Variants in SHROOM2 observed in about 807,000 individuals in gnomAD.
SHROOM2 encodes shroom family member 2.
A neutral mutation model predicts 75.9 loss-of-function variants in SHROOM2; 33 were observed. That is an observed-to-expected ratio of 0.43 (90% confidence interval 0.33 to 0.58). The LOEUF (loss-of-function observed/expected upper bound fraction) is 0.58. Among genes scored for constraint, SHROOM2 ranks in the 20% least tolerant of loss-of-function variants. The pLI, the probability that SHROOM2 is intolerant of heterozygous loss-of-function variation, is 0.04. For missense variants in SHROOM2, 1,434 were observed against 1,461.2 expected (o/e 0.98, Z 0.30); for synonymous variants, 655 against 663.6 (o/e 0.99, Z 0.20).
chrX:9,932,588 T>C lies in SHROOM2; in HGVS notation c.3305T>C (p.Leu1102Pro), dbSNP rs1213759208. 8.3e-7 allele frequency: 1 copy of C among 1,211,645 alleles called. No homozygotes were observed. Among genetic ancestry groups the C allele is most frequent in the Non-Finnish European group, 1.1e-6 (1 of 895,397 alleles). ...RPFPTPSPAS[L>P]DVYVARLSLS... is the part of the protein sequence containing the mutation. ...TTCCCAACGCCATCCCCTGCGTCCC[T>C]GGATGTGTATGTGGCCCGCCTGTCC... is the stretch of plus-strand genomic sequence containing the variant. The change falls in exon 6 of 10, where the codon CTG becomes CCG. Residue 1102 changes from leucine (L) to proline (P), a missense_variant. Around this residue, in one of 3 missense-constraint regions of SHROOM2, gnomAD observed 1,340 missense variants for 1,338.3 expected, o/e 1.00. Transcript: ENST00000380913.
At chrX:9,907,032 CT>C (rs2084395437) in intron 5 of SHROOM2, among the ~76,000 whole-genome samples, 1 of 111,005 alleles carries the variant, frequency 9.0e-6, no homozygotes, top group South Asian at 3.8e-4. Flanking sequence ...GCTGGTCCCC[CT>C]GGCGTTGGGG....
intron 5 of SHROOM2, among the ~76,000 whole-genome samples, chrX:9,928,427 C>A (rs1447007500): frequency 1.8e-5 from 2 of 112,920 alleles, no homozygotes; most frequent in South Asian, 3.6e-4. Flanking sequence ...TGCGAAGACA[C>A]AAAGTCTTAA....
intron 5 of SHROOM2, among the ~76,000 whole-genome samples, chrX:9,907,039 T>C (rs2084395561): frequency 9.0e-6 from 1 of 110,753 alleles, no homozygotes; most frequent in African/African-American, 3.3e-5. Flanking sequence ...CCCCTGGCGT[T>C]GGGGCAGGGG....
intron 1 of SHROOM2, among the ~76,000 whole-genome samples, chrX:9,787,962 T>C (rs1228350304): frequency 1.9e-5 from 2 of 105,061 alleles, no homozygotes; most frequent in African/African-American, 6.9e-5. Flanking sequence ...TTTTTTCTTT[T>C]ATTTCTTTTC....
chrX:9,857,718 AT>A (rs369019942), intron 1 of SHROOM2, among the ~76,000 whole-genome samples: 13 of 111,276 alleles, frequency 1.2e-4, no homozygotes, highest in African/African-American at 4.2e-4. Context: ...AAGCAAAAAG[AT>A]TGTGAACATT....
intron 1 of SHROOM2, among the ~76,000 whole-genome samples, chrX:9,867,325 G>A (rs2084145712): frequency 9.0e-6 from 1 of 111,377 alleles, no homozygotes; most frequent in Non-Finnish European, 1.9e-5. Flanking sequence ...GGGTCTGTGA[G>A]TGCCCATAGC....
intron 2 of SHROOM2, among the ~76,000 whole-genome samples, chrX:9,883,780 C>T (rs948006294): frequency 6.3e-5 from 7 of 111,222 alleles, no homozygotes; most frequent in Non-Finnish European, 1.3e-4. Flanking sequence ...GAAGCAGAGT[C>T]AGAGCTGGGG....
Position 9,947,799 on chromosome X carries a change from A to C in SHROOM2, c.*862A>C, listed in dbSNP as rs978620627. 6.2e-5 allele frequency: 7 copies of C among 112,265 alleles called. No homozygotes were observed. The highest frequency in any genetic ancestry group is 1.9e-4 in the Admixed American group (2 of 10,567). The allele number at this position is 112,265 out of a possible 1,213,427, so 9.3% of individuals were successfully genotyped here. A position where few individuals can be genotyped will look rare whatever the true frequency, so the allele number is the denominator to read the frequency against. ...TTCCCCCCATGTATTTTGTATGCAT[A>C]TGATTGTCCGTGATAATTGGCTACT... On this transcript the variant is annotated 3_prime_UTR_variant, in exon 10 of 10. Coordinates refer to ENST00000380913, the MANE Select transcript of SHROOM2 (RefSeq NM_001649.4).
Position 9,932,295 on chromosome X carries a change from G to A in SHROOM2, c.3012G>A (p.Leu1004=). The change falls in exon 6 of 10, where the codon CTG becomes CTA. Residue 1004 remains leucine (L), a synonymous_variant. Transcript: ENST00000380913. The part of the protein sequence containing the change: ...ELSHCRGAPE[L]PREGRGRAGT... ...CTCACTGCCGGGGAGCCCCAGAGCT[G>A]CCCCGGGAGGGCCGGGGCCGAGCGG... The A allele has an allele frequency of 8.3e-7, 1 of 1,205,152 alleles. No homozygotes were observed. Among genetic ancestry groups the A allele is most frequent in the Non-Finnish European group, 1.1e-6 (1 of 891,728 alleles).
At position 9,896,288 on chromosome X, in the gene SHROOM2, T is replaced by G. The variant is rs2084330484; in HGVS notation, c.2380T>G (p.Phe794Val). Reference sequence around the variant, plus strand: ...GACATCTGAGGATACTGTGGGCACGTTTGCTGACAGGTGGAAGTTTTTTGA... The same window carrying G: ...GACATCTGAGGATACTGTGGGCACGGTTGCTGACAGGTGGAAGTTTTTTGA... ...PRTSEDTVGT[F>V]ADRWKFFEET... Residue 794 changes from phenylalanine (F) to valine (V), a missense_variant, in exon 4 of 10, where the codon TTT (phenylalanine) becomes GTT (valine). Around this residue, in one of 3 missense-constraint regions of SHROOM2, gnomAD observed 1,340 missense variants for 1,338.3 expected, o/e 1.00. Transcript: ENST00000380913. 2.5e-6 allele frequency: 3 copies of G among 1,210,966 alleles called. No individual in the cohort carries two copies. Among genetic ancestry groups the G allele is most frequent in the Non-Finnish European group, 3.4e-6 (3 of 895,399 alleles).
chrX:9,926,148 T>C (rs1319028544), intron 5 of SHROOM2, among the ~76,000 whole-genome samples: 6 of 111,749 alleles, frequency 5.4e-5, no homozygotes, highest in Non-Finnish European at 1.9e-5. Flanking sequence ...CGCCATCCTA[T>C]GCGATGTGGC....
At chrX:9,935,936 A>G (rs999769050) in intron 6 of SHROOM2, among the ~76,000 whole-genome samples, 1 of 110,769 alleles carries the variant, frequency 9.0e-6, no homozygotes, top group Non-Finnish European at 1.9e-5. Context: ...CTTGGCTGAG[A>G]TGGCCCTGGT....
Position 9,894,549 on chromosome X carries a change from C to G in SHROOM2, c.641C>G (p.Ser214Cys), listed in dbSNP as rs1031220279. 1.7e-6 allele frequency: 2 copies of G among 1,211,973 alleles called. No homozygotes were observed. Among genetic ancestry groups the G allele is most frequent in the African/African-American group, 3.5e-5 (2 of 57,852 alleles). Residue 214 changes from serine to cysteine, a missense_variant, in exon 4 of 10, where the codon TCC (serine) becomes TGC (cysteine). Physicochemically the swap from Ser to Cys is moderately radical, Grantham distance 112. Around this residue, in one of 3 missense-constraint regions of SHROOM2, gnomAD observed 1,340 missense variants for 1,338.3 expected, o/e 1.00. Transcript: ENST00000380913. ...SKRDSAYGSF[S>C]TSSSTPDHTL... ...CGCGACTCGGCCTACGGCTCCTTCT[C>G]CACCAGCTCTAGCACTCCTGACCAC...
In SHROOM2 at chrX:9,947,327, C is replaced by T; in HGVS notation, c.*390C>T. On this transcript the variant is annotated 3_prime_UTR_variant, in exon 10 of 10. Transcript: ENST00000380913. ...ACAGCAGCCAGCGCGTCATGACGTG[C>T]ATGAGAGGGGGACCCTGGTGCTCAT... The T allele has an allele frequency of 5.8e-6, 1 of 172,234 alleles. No homozygotes were observed. 14.2% of individuals were successfully genotyped at this position (172,234 alleles called of 1,213,427 possible).
chrX:9,934,904 C>G (rs1430326260), intron 6 of SHROOM2, among the ~76,000 whole-genome samples: 2 of 110,850 alleles, frequency 1.8e-5, no homozygotes, highest in Non-Finnish European at 3.8e-5. Context: ...TCCCGAGTAG[C>G]TGGGATTACA....
At chrX:9,793,602 C>CT (rs775839718) in intron 1 of SHROOM2, among the ~76,000 whole-genome samples, 8 of 110,554 alleles carry the variant, frequency 7.2e-5, no homozygotes, top group Non-Finnish European at 1.5e-4. Flanking sequence ...TATTTCCACT[C>CT]TTTTTCATTG....
At chrX:9,898,400 C>T in intron 5 of SHROOM2, 110 bp downstream of exon 5, 1 of 583,346 alleles carries the variant, frequency 1.7e-6, no homozygotes, top group Non-Finnish European at 2.7e-6. Flanking sequence ...TTGCCAAACC[C>T]AAAGCGGCTG....
Position 9,866,806 on chromosome X carries a change from C to T in SHROOM2, c.166-6846C>T, listed in dbSNP as rs1017926396. Among the ~76,000 whole-genome samples the T allele has an allele frequency of 5.1e-5, 5 of 98,406 alleles. No individual in the cohort carries two copies. The Admixed American group carries it at 5.6e-4, about 11-fold the overall frequency. The allele number at this position is 98,406 out of a possible 115,157, so 85.5% of individuals were successfully genotyped here. On this transcript the variant is annotated intron_variant, in intron 1 of 9. Coordinates refer to ENST00000380913, the MANE Select transcript of SHROOM2 (RefSeq NM_001649.4). ...CCAGATTCCCATTCCAGGGCGGGGT[C>T]CTCGTCTTCCCCCACTTCGGCCCTA...
At chrX:9,923,358 G>A (rs1292946012) in intron 5 of SHROOM2, among the ~76,000 whole-genome samples, 1 of 111,824 alleles carries the variant, frequency 8.9e-6, no homozygotes, top group Non-Finnish European at 1.9e-5. Flanking sequence ...CATTTTCACA[G>A]ATGAGAGTAA....
Sources: gnomAD v4.1 joint callset for allele counts (sites outside exome capture counted in the v4.1 genomes callset) on GRCh38, gnomAD v4.1.1 for gene constraint, gnomAD v4.1.1 regional missense constraint, MANE v1.5 for transcripts, NCBI Gene and HGNC (gene_info 2026-07-23, HGNC 2026-07-21) for gene names.